The following TERT variants were observed in gnomAD, a reference collection of about 807,000 sequenced individuals.
TERT encodes telomerase reverse transcriptase.
TERT carries 42 observed loss-of-function variants against 104.0 expected under a neutral mutation model. That is an observed-to-expected ratio of 0.40 (90% CI 0.32 to 0.52). The LOEUF (loss-of-function observed/expected upper bound fraction) is 0.52, where lower values mean the gene tolerates loss of function less well. Ranked by LOEUF, TERT falls within the 20% of genes least tolerant of loss-of-function variation. TERT has a pLI of 0.43. For missense variants in TERT, 1,101 were observed against 1,610.3 expected, an observed-to-expected ratio of 0.68 and a Z score of 5.41; for synonymous variants, 781 against 725.6, an observed-to-expected ratio of 1.08 and a Z score of -1.23.
chr5:1,282,822 C>T lies in TERT; in HGVS notation c.1574-198G>A, dbSNP rs536791063. On this transcript the variant is annotated intron_variant, in intron 2 of 15. Coordinates refer to ENST00000310581, the MANE Select transcript of TERT (RefSeq NM_198253.3). The stretch of plus-strand genomic sequence containing the variant: ...ACCCTGGACCTGCACCATTCGGACA[C>T]GGGGACACCGCATATCCAGCTCACC... 6.8e-5 allele frequency: 42 copies of T among 619,052 alleles called. No individual in the cohort carries two copies. In the East Asian group the frequency reaches 9.5e-4, roughly 14 times the overall value. 38.3% of individuals were successfully genotyped at this position (619,052 alleles called of 1,614,324 possible).
chr5:1,268,413 C>G lies in TERT; in HGVS notation c.2582+107G>C. 1.1e-6 allele frequency: 1 copy of G among 898,336 alleles called. No homozygotes were observed. The highest frequency in any genetic ancestry group is 1.8e-6 in the Non-Finnish European group (1 of 564,732). The allele number at this position is 898,336 out of a possible 1,614,324, so 55.6% of individuals were successfully genotyped here. A position where few individuals can be genotyped will look rare whatever the true frequency, so the allele number is the denominator to read the frequency against. ...GGGGCTGCAACCTTGTCTGGTTCCTCAAGACAGAGCAGTCATGGTCTCCAG... is the reference window on the plus strand; with the variant it reads ...GGGGCTGCAACCTTGTCTGGTTCCTGAAGACAGAGCAGTCATGGTCTCCAG... On this transcript the variant is annotated intron_variant, in intron 9 of 15. Transcript: ENST00000310581. The surrounding 1 kb of genome is among the most constrained non-coding windows in gnomAD (Gnocchi z 5.5).
Position 1,294,248 on chromosome 5 carries a change from G to C in TERT, c.638C>G (p.Pro213Arg), listed in dbSNP as rs773202955. The C allele has an allele frequency of 6.3e-7, 1 of 1,590,266 alleles. No homozygotes were observed. The highest frequency in any genetic ancestry group is 8.5e-7 in the Non-Finnish European group (1 of 1,174,570). The change falls in exon 2 of 16, where the codon CCC (proline) becomes CGC (arginine). Residue 213 changes from proline to arginine, a missense_variant. Pro to Arg is a moderately radical substitution (Grantham distance 103). Around this residue, in one of 5 missense-constraint regions of TERT, gnomAD observed 504 missense variants for 544.6 expected, o/e 0.93. Coordinates refer to ENST00000310581, the MANE Select transcript of TERT (RefSeq NM_198253.3). ...CGCACCCGGGGCTGGCAGGCCCAGG[G>C]GGACCCCGGCCTCCCTGACGCTATG... ...WNHSVREAGVPLGLPAPGARR... is the reference protein window; with the variant it reads ...WNHSVREAGVRLGLPAPGARR...
At chr5:1,280,706 G>T (rs1749963119) in intron 3 of TERT, among the ~76,000 whole-genome samples, 1 of 152,182 alleles carries the variant, frequency 6.6e-6, no homozygotes, top group Non-Finnish European at 1.5e-5. Flanking sequence ...AGCCACTGGG[G>T]TAGCCCAAGG....
chr5:1,259,502 G>A (rs1347804037), intron 12 of TERT, among the ~76,000 whole-genome samples: 10 of 131,176 alleles, frequency 7.6e-5, no homozygotes, highest in African/African-American at 2.4e-4. Flanking sequence ...ACAGGAGGGG[G>A]GAGTGGACAC....
At position 1,263,650 on chromosome 5, in the gene TERT, C is replaced by T. The variant is rs1396509910; in HGVS notation, c.2843+754G>A. Among the ~76,000 whole-genome samples the T allele has an allele frequency of 6.6e-6, 1 of 152,240 alleles. No individual in the cohort carries two copies. Among genetic ancestry groups the T allele is most frequent in the Non-Finnish European group, 1.5e-5 (1 of 68,048 alleles). On this transcript the variant is annotated intron_variant, in intron 11 of 15. Coordinates refer to ENST00000310581, the MANE Select transcript of TERT (RefSeq NM_198253.3). This position sits in a 1 kb window ranked among gnomAD's most constrained non-coding sequence, Gnocchi z 5.3. ...CAAACTCCTGGCCTCAAGTGATCCA[C>T]CCACCTCGGCCTCCCAAAGTGCTGG...
chr5:1,271,925 C>A (rs975538225), intron 7 of TERT, among the ~76,000 whole-genome samples: 4 of 152,220 alleles, frequency 2.6e-5, no homozygotes, highest in African/African-American at 9.6e-5. Context: ...TTTAGCAAAT[C>A]ATGAACAAAG....
rs772442796 is a variant in TERT, at chr5:1,288,687, AC to A, written c.1573+4625del. On this transcript the variant is annotated intron_variant, in intron 2 of 15. Coordinates refer to ENST00000310581, the MANE Select transcript of TERT (RefSeq NM_198253.3). This position sits in a 1 kb window ranked among gnomAD's most constrained non-coding sequence, Gnocchi z 5.3. ...CTTGCTTTCCTTCAGGGCACAGAGA[AC>A]CCTTTCTGGGATGTCTCCAGCAACA... Among the ~76,000 whole-genome samples the A allele has an allele frequency of 1.8e-4, 27 of 152,166 alleles. No homozygotes were observed. The highest frequency in any genetic ancestry group is 3.4e-4 in the Non-Finnish European group (23 of 67,970).
intron 15 of TERT, 122 bp downstream of exon 15, chr5:1,254,246 C>T: frequency 7.1e-7 from 1 of 1,400,328 alleles, no homozygotes; most frequent in South Asian, 1.2e-5. Flanking sequence ...GCTCCAGGCC[C>T]CCAGGGTCAG....
In TERT at chr5:1,274,993, C is replaced by A. The variant is rs1749446211; in HGVS notation, c.2287-2713G>T. Reference sequence around the variant, plus strand: ...TGAAGAGAGTCATGAAATGGAAAGACCCCTAGCGAGACCTGGAGAAGGAAA... The same window carrying A: ...TGAAGAGAGTCATGAAATGGAAAGAACCCTAGCGAGACCTGGAGAAGGAAA... On this transcript the variant is annotated intron_variant, in intron 6 of 15. Transcript: ENST00000310581. This position sits in a 1 kb window ranked among gnomAD's most constrained non-coding sequence, Gnocchi z 5.3. Among the ~76,000 whole-genome samples, 1 of 152,188 alleles carries A rather than the reference C, an allele frequency of 6.6e-6. No individual in the cohort carries two copies. Among genetic ancestry groups the A allele is most frequent in the African/African-American group, 2.4e-5 (1 of 41,442 alleles).
rs1243318564 is a variant in TERT, at chr5:1,265,863, C to G, written c.2654+601G>C. Among the ~76,000 whole-genome samples the G allele has an allele frequency of 1.3e-5, 2 of 152,210 alleles. No individual in the cohort carries two copies. Among genetic ancestry groups the G allele is most frequent in the Non-Finnish European group, 2.9e-5 (2 of 68,038 alleles). ...TGAGGGGGACCACATTGGACAATCC[C>G]CTGTGCTGAGGCCAGGTCCCCTGTG... On this transcript the variant is annotated intron_variant, in intron 10 of 15. Transcript: ENST00000310581. This position sits in a 1 kb window ranked among gnomAD's most constrained non-coding sequence, Gnocchi z 6.9.
At position 1,294,538 on chromosome 5, in the gene TERT, G is replaced by A; in HGVS notation, c.348C>T (p.Thr116=). The change falls in exon 2 of 16, where the codon ACC becomes ACT. Residue 116 remains threonine, a synonymous_variant. Coordinates refer to ENST00000310581, the MANE Select transcript of TERT (RefSeq NM_198253.3). ...GARGGPPEAF[T]TSVRSYLPNT... is the part of the protein sequence containing the mutation. Reference sequence around the variant, plus strand: ...TGGGCAGGTAGCTGCGCACGCTGGTGGTGAAGGCCTCGGGGGGGCCCCCGC... The same window carrying A: ...TGGGCAGGTAGCTGCGCACGCTGGTAGTGAAGGCCTCGGGGGGGCCCCCGC... 6 of 1,578,892 alleles carry A rather than the reference G, an allele frequency of 3.8e-6. No individual in the cohort carries two copies. The highest frequency in any genetic ancestry group is 5.1e-6 in the Non-Finnish European group (6 of 1,170,304).
chr5:1,277,361 T>C (rs1162415464), intron 6 of TERT, among the ~76,000 whole-genome samples: 1 of 152,198 alleles, frequency 6.6e-6, no homozygotes, highest in East Asian at 1.9e-4. Context: ...GGCGCAGCCG[T>C]GCAGTCCGCA....
At position 1,279,415 on chromosome 5, in the gene TERT, C is replaced by T. The variant is rs1749858434; in HGVS notation, c.2006G>A (p.Arg669Gln). The T allele has an allele frequency of 2.6e-6, 4 of 1,552,126 alleles. No homozygotes were observed. Among genetic ancestry groups the T allele is most frequent in the Non-Finnish European group, 3.5e-6 (4 of 1,149,052 alleles). The change falls in exon 5 of 16, where the codon CGG becomes CAG. Residue 669 changes from arginine to glutamine, a missense_variant. This residue lies in a region of TERT where 463 missense variants were observed against 797.5 expected (regional missense o/e 0.58). Transcript: ENST00000310581. ...GCCCAGGAGGCCGGGGCGCCGCGCC[C>T]GCTCGTAGTTGAGCACGCTGAACAG... ...KALFSVLNYE[R>Q]ARRPGLLGAS...
rs1160075169 is a variant in TERT at position 1,256,775 on chromosome 5, G to A, written c.3033-1364C>T. Among the ~76,000 whole-genome samples the A allele has an allele frequency of 1.3e-5, 2 of 152,196 alleles. No individual in the cohort carries two copies. Among genetic ancestry groups the A allele is most frequent in the East Asian group, 1.9e-4 (1 of 5,188 alleles). The stretch of plus-strand genomic sequence containing the variant: ...GGTCCCGGGGTTGCCACACGGCCAC[G>A]CTCCTGACCCAGGAGGGAAACACCT... On this transcript the variant is annotated intron_variant, in intron 13 of 15. Transcript: ENST00000310581. This position sits in a 1 kb window ranked among gnomAD's most constrained non-coding sequence, Gnocchi z 7.0.
At chr5:1,260,343 T>C (rs1400066849) in intron 12 of TERT, 131 bp downstream of exon 12, 26 of 1,423,206 alleles carry the variant, frequency 1.8e-5, no homozygotes, top group Non-Finnish European at 2.4e-5. Context: ...CACGTGTATA[T>C]GCGTACATGT....
At chr5:1,279,184 TCC>T in intron 5 of TERT, 105 bp downstream of exon 5, 1 of 1,309,042 alleles carries the variant, frequency 7.6e-7, no homozygotes, top group South Asian at 1.4e-5. Context: ...TCACCTGCAC[TCC>T]CTGCGGCCCA....
intron 4 of TERT, 66 bp downstream of exon 4, chr5:1,280,092 T>C (rs1382904891): frequency 1.2e-6 from 2 of 1,602,158 alleles, no homozygotes; most frequent in African/African-American, 2.7e-5. Flanking sequence ...TCATCTAAGC[T>C]GATACCAAAT....
rs1006357203 is a variant in TERT, at chr5:1,282,618, C to A, written c.1580G>T (p.Gly527Val). 4 of 1,613,898 alleles carry A rather than the reference C, an allele frequency of 2.5e-6. No homozygotes were observed. In the African/African-American group the frequency reaches 4.0e-5, roughly 16 times the overall value. Residue 527 changes from glycine to valine, a missense_variant, in exon 3 of 16, where the codon GGC becomes GTC. Gly to Val is a moderately radical substitution (Grantham distance 109). Around this residue, in one of 5 missense-constraint regions of TERT, gnomAD observed 504 missense variants for 544.6 expected, o/e 0.93. Coordinates refer to ENST00000310581, the MANE Select transcript of TERT (RefSeq NM_198253.3). ...ACGGTGCTCTGCGGCCGGAACACAG[C>A]CAACCCCTTAAACGAGAAGGACATG... ...CAWLRRSPGV[G>V]CVPAAEHRLR...
At chr5:1,272,352 C>T (rs1028993615) in intron 6 of TERT, 72 bp from the exon 7 acceptor site, 30 of 1,312,244 alleles carry the variant, frequency 2.3e-5, no homozygotes, top group African/African-American at 1.2e-4. Context: ...TTGTTTCTTC[C>T]GATCAGGACG....
Sources: gnomAD v4.1 joint callset for allele counts (sites outside exome capture counted in the v4.1 genomes callset) on GRCh38, gnomAD v4.1.1 for gene constraint, gnomAD v4.1.1 regional missense constraint, Gnocchi (gnomAD v3.1) non-coding constraint, MANE v1.5 for transcripts, NCBI Gene and HGNC (gene_info 2026-07-23, HGNC 2026-07-21) for gene names.